The following CELF2 variants were observed in gnomAD, a reference collection of about 807,000 sequenced individuals.
The protein encoded by CELF2 is CUGBP Elav-like family member 2.
A neutral mutation model predicts 62.6 loss-of-function variants in CELF2; 8 were observed. The observed-to-expected ratio is 0.13, with a 90% CI of 0.07 to 0.23. The LOEUF (loss-of-function observed/expected upper bound fraction) is 0.23. Ranked by LOEUF, CELF2 falls within the 10% of genes least tolerant of loss-of-function variation. The pLI is 1.00. For synonymous variants in CELF2, 258 were observed against 250.0 expected, an observed-to-expected ratio of 1.03 and a Z score of -0.30; for missense variants, 333 against 671.0, an observed-to-expected ratio of 0.50 and a Z score of 5.56.
intron 1 of CELF2, among the ~76,000 whole-genome samples, chr10:11,077,896 C>T (rs76048681): frequency 0.013 from 2,013 of 152,278 alleles, 26 homozygotes; most frequent in Non-Finnish European, 0.022. Flanking sequence ...ACTGCTACAT[C>T]AGGATTTAGA....
chr10:10,849,836 T>C (rs1310436953), intron 1 of CELF2, among the ~76,000 whole-genome samples: 1 of 143,284 alleles, frequency 7.0e-6, no homozygotes, highest in Non-Finnish European at 1.6e-5. Context: ...ACACAAGCAA[T>C]TGCTTTAAAA....
At chr10:10,779,365 A>G in the CELF2 span, among the ~76,000 whole-genome samples, 2 of 152,234 alleles carry the variant, frequency 1.3e-5, no homozygotes, top group Admixed American at 1.3e-4. Context: ...TGCACTTCGC[A>G]CATGTAAAAA....
At chr10:10,563,333 G>A in the CELF2 span, among the ~76,000 whole-genome samples, 11 of 152,056 alleles carry the variant, frequency 7.2e-5, no homozygotes, top group East Asian at 1.9e-4. Context: ...GATAGAGACT[G>A]GGCACAGTGG....
the CELF2 span, among the ~76,000 whole-genome samples, chr10:10,463,157 G>A: frequency 2.6e-5 from 4 of 152,244 alleles, no homozygotes; most frequent in Admixed American, 2.6e-4. Flanking sequence ...GAGTTCATTA[G>A]CCAACTAAGA....
the CELF2 span, among the ~76,000 whole-genome samples, chr10:10,563,213 C>T: frequency 6.6e-6 from 1 of 152,164 alleles, no homozygotes; most frequent in Non-Finnish European, 1.5e-5. Flanking sequence ...ACTGACGCTG[C>T]TGCCACCACT....
chr10:11,213,668 A>C (rs2062528352), intron 2 of CELF2, among the ~76,000 whole-genome samples: 1 of 152,260 alleles, frequency 6.6e-6, no homozygotes, highest in South Asian at 2.1e-4. Flanking sequence ...AAACTCATAG[A>C]AAGTCTTTCA....
chr10:10,707,774 T>G, the CELF2 span, among the ~76,000 whole-genome samples: 3 of 152,142 alleles, frequency 2.0e-5, no homozygotes, highest in Non-Finnish European at 4.4e-5. Context: ...GTGCCTGAGA[T>G]CCTATAAACT....
the CELF2 span, among the ~76,000 whole-genome samples, chr10:10,558,762 G>T: frequency 1.3e-5 from 2 of 152,062 alleles, no homozygotes; most frequent in Non-Finnish European, 2.9e-5. Flanking sequence ...GTTTAGTCTT[G>T]GGAGGGTGTA....
At chr10:10,877,942 A>G (rs560692424) in intron 1 of CELF2, among the ~76,000 whole-genome samples, 1 of 152,300 alleles carries the variant, frequency 6.6e-6, no homozygotes, top group East Asian at 1.9e-4. Context: ...CTAATTTTCT[A>G]GCAGCCTAAC....
the CELF2 span, among the ~76,000 whole-genome samples, chr10:10,730,400 C>G: frequency 6.6e-6 from 1 of 152,120 alleles, no homozygotes; most frequent in African/African-American, 2.4e-5. Flanking sequence ...TCGCTTGAAC[C>G]CGGGAGGCAG....
the CELF2 span, among the ~76,000 whole-genome samples, chr10:10,574,872 G>GCTTTTTTTTTTTTTTT: frequency 3.8e-5 from 4 of 105,980 alleles, 1 homozygote; most frequent in African/African-American, 1.3e-4. Context: ...ACCATGCCTG[G>GCTTTTTTTTTTTTTTT]TTTTTTTTTT....
At chr10:11,028,150 C>T (rs1014888832) in intron 1 of CELF2, among the ~76,000 whole-genome samples, 14 of 152,160 alleles carry the variant, frequency 9.2e-5, no homozygotes, top group African/African-American at 3.4e-4. Context: ...TTCTTCCCCT[C>T]ACCTTTCTGC....
chr10:10,662,763 C>A, the CELF2 span, among the ~76,000 whole-genome samples: 2 of 152,138 alleles, frequency 1.3e-5, no homozygotes, highest in East Asian at 3.8e-4. Context: ...TGGAATCTAC[C>A]AGATGATCTT....
rs573881720 is a variant in CELF2, at chr10:10,920,450, T to A, written c.89+451T>A. On this transcript the variant is annotated intron_variant, in intron 2 of 13. Coordinates refer to the CELF2 transcript ENST00000636488. ...TTCCCCTGAAGAGCTCACATCATAG[T>A]ATTGATAGTATAAGTGCAGTGGAAT... Among the ~76,000 whole-genome samples the A allele has an allele frequency of 2.0e-5, 3 of 152,356 alleles. No homozygotes were observed. In the East Asian group the frequency reaches 5.8e-4, roughly 29 times the overall value.
At chr10:11,066,889 CCT>C (rs2068317977) in intron 1 of CELF2, among the ~76,000 whole-genome samples, 1 of 152,116 alleles carries the variant, frequency 6.6e-6, no homozygotes, top group African/African-American at 2.4e-5. Context: ...CTCCCTTCCC[CCT>C]GAGACCGCTG....
rs115410028 is a variant in CELF2 at position 11,277,376 on chromosome 10, G to A, written c.841+2256G>A. ...CAGCTTCCCCGAATGTGAGAGGGGC[G>A]CCTCTCTCCCGAATTCCCCAGAGCC... On this transcript the variant is annotated intron_variant, in intron 8 of 12. Transcript: ENST00000633077. 4.5e-3 allele frequency among the ~76,000 whole-genome samples: 691 copies of A among 152,228 alleles called. 3 individuals carry two copies. Among genetic ancestry groups the A allele is most frequent in the Non-Finnish European group, 7.4e-3 (502 of 67,996 alleles).
At chr10:11,022,185 G>A (rs1431629565) in intron 1 of CELF2, among the ~76,000 whole-genome samples, 2 of 152,180 alleles carry the variant, frequency 1.3e-5, no homozygotes, top group Non-Finnish European at 2.9e-5. Context: ...TTTGCGTATG[G>A]TTCTTTAAGG....
At chr10:10,927,358 A>ACAAAAAAC (rs1554884939) in intron 2 of CELF2, 2 of 150,238 alleles carry the variant, frequency 1.3e-5, no homozygotes, top group African/African-American at 2.5e-5. Flanking sequence ...AAAAAAAAAA[A>ACAAAAAAC]AAAAAAAACA....
At chr10:10,899,259 C>A (rs747322092) in intron 1 of CELF2, among the ~76,000 whole-genome samples, 39 of 152,080 alleles carry the variant, frequency 2.6e-4, no homozygotes, top group South Asian at 1.0e-3. Context: ...AGAAAACCAA[C>A]AAAGAAAATT....
Sources: gnomAD v4.1 joint callset for allele counts (sites outside exome capture counted in the v4.1 genomes callset) on GRCh38, gnomAD v4.1.1 for gene constraint, MANE v1.5 for transcripts, NCBI Gene and HGNC (gene_info 2026-07-23, HGNC 2026-07-21) for gene names.